DPYSL2: variants seen among roughly 807,000 people sequenced by gnomAD.
DPYSL2 encodes dihydropyrimidinase-related protein 2.
DPYSL2 carries 13 observed loss-of-function variants against 69.9 expected under a neutral mutation model. The ratio of observed to expected loss-of-function variants is 0.19; its 90% CI spans 0.12 to 0.30. The LOEUF (loss-of-function observed/expected upper bound fraction) is 0.30. DPYSL2 is among the 10% of genes least tolerant of loss of function. The pLI, the probability that DPYSL2 is intolerant of heterozygous loss-of-function variation, is 1.00. For missense variants in DPYSL2, 587 were observed against 918.9 expected (o/e 0.64, Z 4.67); for synonymous variants, 326 against 359.1 (o/e 0.91, Z 1.04).
At position 26,540,275 on chromosome 8, in the gene DPYSL2, AAAAATCGGT is replaced by A. The variant is rs1396096004; in HGVS notation, c.354+25600_354+25608del. ...GTAGACTTGATCAAGCATAAGAAAAAAAAATCGGTAAACTTGAAGACAGGCCATTTAATA... is the reference window on the plus strand; with the variant it reads ...GTAGACTTGATCAAGCATAAGAAAAAAAACTTGAAGACAGGCCATTTAATA... On this transcript the variant is annotated intron_variant, in intron 1 of 13. Coordinates refer to ENST00000521913, the MANE Select transcript of DPYSL2 (RefSeq NM_001197293.3). Among the ~76,000 whole-genome samples, 3 of 152,196 alleles carry A rather than the reference AAAAATCGGT, an allele frequency of 2.0e-5. No homozygotes were observed. In the South Asian group the frequency reaches 6.2e-4, roughly 32 times the overall value.
At position 26,598,134 on chromosome 8, in the gene DPYSL2, G is replaced by A. The variant is rs935518751; in HGVS notation, c.628+14151G>A. On this transcript the variant is annotated intron_variant, in intron 3 of 13. Transcript: ENST00000521913. This position sits in a 1 kb window ranked among gnomAD's most constrained non-coding sequence, Gnocchi z 4.2. The stretch of plus-strand genomic sequence containing the variant: ...ATGGCAGGGCTTGGACAAATTACAT[G>A]TATGGGGGAGTAGCCCCTTCACCCC... 2.0e-5 allele frequency among the ~76,000 whole-genome samples: 3 copies of A among 152,146 alleles called. No homozygotes were observed. The highest frequency in any genetic ancestry group is 7.2e-5 in the African/African-American group (3 of 41,432).
At chr8:26,590,354 T>G (rs1488254784) in intron 3 of DPYSL2, among the ~76,000 whole-genome samples, 3 of 152,178 alleles carry the variant, frequency 2.0e-5, no homozygotes, top group African/African-American at 2.4e-5. Context: ...CACACATTTC[T>G]CCTAAGGACA....
At position 26,514,035 on chromosome 8, in the gene DPYSL2, C is replaced by G. The variant is rs1808225764; in HGVS notation, c.-291C>G. 3.7e-6 allele frequency: 1 copy of G among 269,862 alleles called. No homozygotes were observed. Among genetic ancestry groups the G allele is most frequent in the Admixed American group, 5.5e-5 (1 of 18,194 alleles). The allele number at this position is 269,862 out of a possible 1,614,324, so 16.7% of individuals were successfully genotyped here. A position where few individuals can be genotyped will look rare whatever the true frequency, so the allele number is the denominator to read the frequency against. Reference sequence around the variant, plus strand: ...GCGCTGCCGGGAACTGGCAGCCTTTCGGCTCCCGCAGCCGCAGCGGACGCC... The same window carrying G: ...GCGCTGCCGGGAACTGGCAGCCTTTGGGCTCCCGCAGCCGCAGCGGACGCC... On this transcript the variant is annotated 5_prime_UTR_variant, in exon 1 of 14. Coordinates refer to ENST00000521913, the MANE Select transcript of DPYSL2 (RefSeq NM_001197293.3). This position sits in a 1 kb window ranked among gnomAD's most constrained non-coding sequence, Gnocchi z 8.4.
intron 11 of DPYSL2, among the ~76,000 whole-genome samples, chr8:26,649,307 C>T (rs559081973): frequency 1.3e-5 from 2 of 152,328 alleles, no homozygotes; most frequent in East Asian, 3.9e-4. Context: ...GAAAATGCTT[C>T]CCCTCTCTTG....
At chr8:26,515,100 C>T (rs1808255626) in intron 1 of DPYSL2, among the ~76,000 whole-genome samples, 1 of 152,212 alleles carries the variant, frequency 6.6e-6, no homozygotes, top group African/African-American at 2.4e-5. Context: ...TGCGTGAAGG[C>T]CCGCGGCTCC....
Position 26,562,545 on chromosome 8 carries a change from G to C in DPYSL2, c.355-19424G>C, listed in dbSNP as rs756127445. Among the ~76,000 whole-genome samples, 1 of 152,116 alleles carries C rather than the reference G, an allele frequency of 6.6e-6. No individual in the cohort carries two copies. The highest frequency in any genetic ancestry group is 1.5e-5 in the Non-Finnish European group (1 of 68,026). ...GTATTGGTCAGATTTTGTTGTTCCC[G>C]ATTAGAATGCTTAAATGGTTTCGTT... On this transcript the variant is annotated intron_variant, in intron 1 of 13. Transcript: ENST00000521913. This position sits in a 1 kb window ranked among gnomAD's most constrained non-coding sequence, Gnocchi z 4.9.
At chr8:26,535,311 C>T (rs1354676775) in intron 1 of DPYSL2, among the ~76,000 whole-genome samples, 3 of 152,092 alleles carry the variant, frequency 2.0e-5, no homozygotes, top group South Asian at 4.2e-4. Flanking sequence ...CTCCAGATAC[C>T]ATCACAATAG....
At chr8:26,592,241 G>A (rs568247543) in intron 3 of DPYSL2, among the ~76,000 whole-genome samples, 72 of 152,204 alleles carry the variant, frequency 4.7e-4, no homozygotes, top group African/African-American at 1.6e-3. Flanking sequence ...AGCTCACTGC[G>A]GCTTTGAACT....
intron 1 of DPYSL2, among the ~76,000 whole-genome samples, chr8:26,566,858 A>C (rs1801158450): frequency 6.6e-6 from 1 of 151,924 alleles, no homozygotes; most frequent in South Asian, 2.1e-4. Context: ...CCGCCTACCC[A>C]CCCATCTATC....
rs1442366258 is a variant in DPYSL2 at position 26,621,197 on chromosome 8, C to G, written c.629-2946C>G. Reference sequence around the variant, plus strand: ...ATAGAAAAAAGGCAGTAAAAATACACCCAAATTTGAATAGGTTGATTTTGG... The same window carrying G: ...ATAGAAAAAAGGCAGTAAAAATACAGCCAAATTTGAATAGGTTGATTTTGG... On this transcript the variant is annotated intron_variant, in intron 3 of 13. Coordinates refer to ENST00000521913, the MANE Select transcript of DPYSL2 (RefSeq NM_001197293.3). The surrounding 1 kb of genome is among the most constrained non-coding windows in gnomAD (Gnocchi z 4.9). Among the ~76,000 whole-genome samples the G allele has an allele frequency of 6.6e-6, 1 of 152,070 alleles. No homozygotes were observed. The highest frequency in any genetic ancestry group is 1.5e-5 in the Non-Finnish European group (1 of 68,012).
chr8:26,553,577 C>T (rs938576155), intron 1 of DPYSL2, among the ~76,000 whole-genome samples: 2 of 152,180 alleles, frequency 1.3e-5, no homozygotes, highest in African/African-American at 4.8e-5. Context: ...TTTATGACTG[C>T]ATGGTATTCC....
chr8:26,595,574 G>A (rs750826609), intron 3 of DPYSL2, among the ~76,000 whole-genome samples: 8 of 152,180 alleles, frequency 5.3e-5, no homozygotes, highest in African/African-American at 9.7e-5. Flanking sequence ...TGCATTCCTC[G>A]CTGAACCAGA....
intron 1 of DPYSL2, among the ~76,000 whole-genome samples, chr8:26,538,185 A>C (rs150425059): frequency 6.6e-6 from 1 of 152,314 alleles, no homozygotes; most frequent in African/African-American, 2.4e-5. Context: ...TCAATTAAGA[A>C]AAATTTTATA....
intron 1 of DPYSL2, chr8:26,547,843 C>G: frequency 2.9e-6 from 1 of 349,900 alleles, no homozygotes; most frequent in South Asian, 2.6e-5. Flanking sequence ...TCTGAATCAG[C>G]TCTTGCAAAA....
intron 1 of DPYSL2, among the ~76,000 whole-genome samples, chr8:26,546,921 C>CAAAAAAAAAAA (rs61360009): frequency 1.7e-4 from 8 of 46,206 alleles, no homozygotes; most frequent in African/African-American, 5.6e-4. Flanking sequence ...GACTCAGTCT[C>CAAAAAAAAAAA]AAAAAAAAAA....
In DPYSL2 at chr8:26,644,148, C is replaced by G. The variant is rs1381231542; in HGVS notation, c.1425+57C>G. The G allele has an allele frequency of 1.3e-6, 2 of 1,585,754 alleles. No homozygotes were observed. The highest frequency in any genetic ancestry group is 1.7e-6 in the Non-Finnish European group (2 of 1,164,362). ...TCTCAGCCTTCCTTGTCCTCCTCAT[C>G]TGGGGGCCATGGGGCTCATGGAGGC... is the stretch of plus-strand genomic sequence containing the variant. On this transcript the variant is annotated intron_variant, in intron 10 of 13. Transcript: ENST00000521913. The surrounding 1 kb of genome is among the most constrained non-coding windows in gnomAD (Gnocchi z 4.5).
At chr8:26,576,128 G>A (rs1035063328) in intron 1 of DPYSL2, among the ~76,000 whole-genome samples, 3 of 152,124 alleles carry the variant, frequency 2.0e-5, no homozygotes, top group East Asian at 1.9e-4. Flanking sequence ...ATTAACCATC[G>A]GTGAAACTTT....
At position 26,543,644 on chromosome 8, in the gene DPYSL2, C is replaced by T. The variant is rs533174148; in HGVS notation, c.354+28965C>T. On this transcript the variant is annotated intron_variant, in intron 1 of 13. Coordinates refer to ENST00000521913, the MANE Select transcript of DPYSL2 (RefSeq NM_001197293.3). ...CTGGGATTACAGGCATGTGCCACCACGCCCAGCTAATTTTATATTTTTAGT... is the reference window on the plus strand; with the variant it reads ...CTGGGATTACAGGCATGTGCCACCATGCCCAGCTAATTTTATATTTTTAGT... Among the ~76,000 whole-genome samples the T allele has an allele frequency of 2.4e-4, 37 of 152,258 alleles. No homozygotes were observed. In the East Asian group the frequency reaches 3.3e-3, roughly 14 times the overall value.
intron 1 of DPYSL2, among the ~76,000 whole-genome samples, chr8:26,575,578 A>G (rs1801313849): frequency 6.6e-6 from 1 of 152,170 alleles, no homozygotes; most frequent in South Asian, 2.1e-4. Flanking sequence ...ACATTTTTGG[A>G]TATTTACGAG....
Sources: allele counts gnomAD v4.1 joint callset (sites outside exome capture counted in the v4.1 genomes callset), GRCh38; gene constraint gnomAD v4.1.1; non-coding constraint Gnocchi (gnomAD v3.1); transcripts MANE v1.5; gene names NCBI Gene and HGNC (gene_info 2026-07-23, HGNC 2026-07-21).